The following PCSK4 variants were observed in gnomAD, a reference collection of about 807,000 sequenced individuals.
PCSK4 encodes the protein testicular tissue protein Li 135.
In PCSK4, 64 loss-of-function variants were observed where a neutral mutation model predicts 80.3. The observed-to-expected ratio is 0.80, with a 90% confidence interval of 0.65 to 0.98. The LOEUF is 0.98. Among genes scored for constraint, PCSK4 ranks in the 50% least tolerant of loss-of-function variants. The pLI is 0.00. For synonymous variants in PCSK4, 561 were observed against 487.6 expected (o/e 1.15, Z -1.98); for missense variants, 1,213 against 1,093.6 (o/e 1.11, Z -1.54).
exon 4 of PCSK4, chr19:1,488,090 G>C (rs200424032): frequency 2.1e-5 from 34 of 1,612,900 alleles, no homozygotes; most frequent in Non-Finnish European, 2.4e-5. Flanking sequence ...GGGCCTCGCT[G>C]TTCTGCAGGG....
rs202179680 is a variant in PCSK4, at chr19:1,487,831, A to C, written c.547T>G (p.Tyr183Asp). The change falls in exon 5 of 15, where the codon TAC becomes GAC. Residue 183 changes from tyrosine to aspartate, a missense_variant. Physicochemically the swap from Tyr to Asp is radical, Grantham distance 160 (BLOSUM62 -3). Transcript: ENST00000300954. ...TAGCGGGGCTGGGGGTCCGGGTCGT[A>C]GTCATTGAAGTCATAGCTGGCCAGG... 235 of 1,560,328 alleles carry C rather than the reference A, an allele frequency of 1.5e-4. No homozygotes were observed. In the African/African-American group the frequency reaches 2.8e-3, roughly 19 times the overall value.
chr19:1,485,184 G>C (rs562693568), intron 8 of PCSK4, among the ~76,000 whole-genome samples: 8 of 151,862 alleles, frequency 5.3e-5, no homozygotes, highest in African/African-American at 1.9e-4. Flanking sequence ...AGGACTCCAA[G>C]GACTGAGTTC....
At position 1,482,937 on chromosome 19, in the gene PCSK4, C is replaced by T; in HGVS notation, c.1655G>A (p.Trp552Ter). ...GCCCTTGTTCTCTAGGCCCAGGGTC[C>T]ACACGCCCTGTGGGTTCTCATCCCA... The change falls in exon 13 of 15, where the codon TGG (tryptophan) becomes TAG (stop). Residue 552 changes from tryptophan (W) to a stop codon, truncating the protein, a stop_gained. Coordinates refer to ENST00000300954, the Ensembl canonical transcript of PCSK4. LOFTEE classifies it high-confidence loss of function. 11 of 1,613,400 alleles carry T rather than the reference C, an allele frequency of 6.8e-6. No individual in the cohort carries two copies. The highest frequency in any genetic ancestry group is 1.7e-4 in the Middle Eastern group (1 of 6,058).
intron 2 of PCSK4, 100 bp downstream of exon 2, chr19:1,489,693 C>T: frequency 6.6e-7 from 1 of 1,513,404 alleles, no homozygotes; most frequent in Non-Finnish European, 8.9e-7. Flanking sequence ...AGAAAGCACA[C>T]AGCTGTTCAT....
chr19:1,490,795 C>T, upstream of PCSK4: 1 of 190,842 alleles, frequency 5.2e-6, no homozygotes, highest in Non-Finnish European at 1.1e-5. Flanking sequence ...GCCCTGCCTC[C>T]TTTGTGATCA....
exon 5 of PCSK4, chr19:1,487,838 G>A: frequency 6.4e-7 from 1 of 1,563,114 alleles, no homozygotes; most frequent in Non-Finnish European, 8.7e-7. Context: ...CGTAGTCATT[G>A]AAGTCATAGC....
At position 1,483,687 on chromosome 19, in the gene PCSK4, G is replaced by A; in HGVS notation, c.1354C>T (p.Gln452Ter). ...TGGACCCGGACGGCGCACTTCCTCT[G>A]CGGCTGGGTGGGCAGCCAGGTGCGG... The change falls in exon 11 of 15, where the codon CAG becomes TAG. Residue 452 changes from glutamine to a stop codon, truncating the protein, a stop_gained. Transcript: ENST00000300954. LOFTEE classifies it high-confidence loss of function. 6.3e-7 allele frequency: 1 copy of A among 1,596,590 alleles called. No individual in the cohort carries two copies. The highest frequency in any genetic ancestry group is 1.3e-5 in the African/African-American group (1 of 74,884).
chr19:1,490,583 T>C (rs1490629775), upstream of PCSK4: 7 of 478,138 alleles, frequency 1.5e-5, no homozygotes, highest in Admixed American at 3.9e-5. Flanking sequence ...TTTTCCCATT[T>C]GTACAACGAC....
rs763473487 is a variant in PCSK4 at position 1,482,937 on chromosome 19, C to CT, written c.1654_1655insA (p.Trp552Ter). The CT allele has an allele frequency of 6.2e-7, 1 of 1,613,400 alleles. No homozygotes were observed. Among genetic ancestry groups the CT allele is most frequent in the Non-Finnish European group, 8.5e-7 (1 of 1,179,738 alleles). Residue 552 changes from tryptophan (W) to a stop codon, truncating the protein, a stop_gained and frameshift_variant, in exon 13 of 15, where the codon TGG becomes TAGG. Coordinates refer to ENST00000300954, the Ensembl canonical transcript of PCSK4. LOFTEE classifies it high-confidence loss of function. ...GCCCTTGTTCTCTAGGCCCAGGGTC[C>CT]ACACGCCCTGTGGGTTCTCATCCCA...
At chr19:1,481,783 C>T in exon 15 of PCSK4, 1 of 1,513,910 alleles carries the variant, frequency 6.6e-7, no homozygotes, top group Non-Finnish European at 8.9e-7. Context: ...GCAGCCAGAC[C>T]TGGGGTTTGG....
At position 1,483,496 on chromosome 19, in the gene PCSK4, G is replaced by A. The variant is rs749942478; in HGVS notation, c.1392-33C>T. The stretch of plus-strand genomic sequence containing the variant: ...GGTCGAGGGGTGAGGACCCTCCTGC[G>A]GCCTGCTGGGGGGTGGGTGGGCGGC... On this transcript the variant is annotated intron_variant, in intron 11 of 14. Coordinates refer to ENST00000300954, the Ensembl canonical transcript of PCSK4. 1.9e-5 allele frequency: 28 copies of A among 1,477,460 alleles called. No individual in the cohort carries two copies. In the South Asian group the frequency reaches 2.5e-4, roughly 13 times the overall value. The allele number at this position is 1,477,460 out of a possible 1,614,324, so 91.5% of individuals were successfully genotyped here. A position where few individuals can be genotyped will look rare whatever the true frequency, so the allele number is the denominator to read the frequency against.
chr19:1,483,959 G>T lies in PCSK4; in HGVS notation c.1170-18C>A. The T allele has an allele frequency of 7.0e-7, 1 of 1,436,922 alleles. No individual in the cohort carries two copies. The highest frequency in any genetic ancestry group is 9.1e-7 in the Non-Finnish European group (1 of 1,096,368). 89.0% of individuals were successfully genotyped at this position (1,436,922 alleles called of 1,614,324 possible). On this transcript the variant is annotated intron_variant, in intron 9 of 14. Coordinates refer to ENST00000300954, the Ensembl canonical transcript of PCSK4. ...GGAACGGGCTGCGGGGGGCGGGGGC[G>T]GGGGCGGGTGAGCCGCCGGGCCGCG...
At chr19:1,482,370 G>A (rs770318775) in exon 14 of PCSK4, 5 of 1,544,234 alleles carry the variant, frequency 3.2e-6, no homozygotes, top group African/African-American at 2.7e-5. Context: ...CAGCCCCTCT[G>A]TGTCCCGCTG....
At chr19:1,482,636 AC>A in intron 13 of PCSK4, 161 bp from the exon 14 acceptor site, 8 of 930,080 alleles carry the variant, frequency 8.6e-6, no homozygotes, top group Non-Finnish European at 1.3e-5. Context: ...GTCACTGGAC[AC>A]CGACATCTCC....
At chr19:1,489,997 G>A (rs2084857951) in intron 1 of PCSK4, 100 bp from the exon 2 acceptor site, 1 of 1,528,036 alleles carries the variant, frequency 6.5e-7, no homozygotes, top group African/African-American at 1.4e-5. Context: ...TCCCCAGCAG[G>A]TGCTCTCTGG....
rs143366021 is a variant in PCSK4 at position 1,487,167 on chromosome 19, C to T, written c.829G>A (p.Glu277Lys). 1,293 of 1,606,650 alleles carry T rather than the reference C, an allele frequency of 8.0e-4. 12 individuals are homozygous for T. The African/African-American group carries it at 0.014, about 18-fold the overall frequency. Reference sequence around the variant, plus strand: ...TTGGTCACACCACGCCGGAAGGCCTCGCGGGTGAGGATGCCGGGGCCGTCC... The same window carrying T: ...TTGGTCACACCACGCCGGAAGGCCTTGCGGGTGAGGATGCCGGGGCCGTCC... The change falls in exon 7 of 15, where the codon GAG (glutamate) becomes AAG (lysine). Residue 277 changes from glutamate to lysine, a missense_variant. Physicochemically the swap from Glu to Lys is moderately conservative, Grantham distance 56. Transcript: ENST00000300954.
intron 1 of PCSK4, 57 bp downstream of exon 1, chr19:1,490,101 T>C (rs1050718937): frequency 7.5e-6 from 12 of 1,600,898 alleles, no homozygotes; most frequent in Admixed American, 1.7e-5. Context: ...TGTCGGGGTC[T>C]AGGGTTGTTC....
chr19:1,490,284 G>A (rs929737981), exon 1 of PCSK4: 11 of 1,593,464 alleles, frequency 6.9e-6, no homozygotes, highest in African/African-American at 1.3e-5. Context: ...CCACAGCCCG[G>A]GGGCGGACAA....
At position 1,483,951 on chromosome 19, in the gene PCSK4, G is replaced by A. The variant is rs373298079; in HGVS notation, c.1170-10C>T. 2.1e-6 allele frequency: 3 copies of A among 1,422,032 alleles called. No individual in the cohort carries two copies. Among genetic ancestry groups the A allele is most frequent in the Non-Finnish European group, 2.8e-6 (3 of 1,090,066 alleles). The allele number at this position is 1,422,032 out of a possible 1,614,324, so 88.1% of individuals were successfully genotyped here. The stretch of plus-strand genomic sequence containing the variant: ...CCACGTCAGGAACGGGCTGCGGGGG[G>A]CGGGGGCGGGGGCGGGTGAGCCGCC... On this transcript the variant is annotated splice_polypyrimidine_tract_variant and intron_variant, in intron 9 of 14. Coordinates refer to ENST00000300954, the Ensembl canonical transcript of PCSK4.
Sources: allele counts gnomAD v4.1 joint callset (sites outside exome capture counted in the v4.1 genomes callset), GRCh38; gene constraint gnomAD v4.1.1; transcripts MANE v1.5; gene names NCBI Gene and HGNC (gene_info 2026-07-23, HGNC 2026-07-21).